NEURL1: variants seen among roughly 807,000 people sequenced by gnomAD.
The protein encoded by NEURL1 is E3 ubiquitin-protein ligase NEURL1.
Under a neutral mutation model 41.2 loss-of-function variants are expected in NEURL1, and 26 were observed. The ratio of observed to expected loss-of-function variants is 0.63; its 90% CI spans 0.46 to 0.87. NEURL1 has a LOEUF of 0.87. NEURL1 is among the 40% of genes least tolerant of loss of function. The pLI, the probability that NEURL1 is intolerant of heterozygous loss-of-function variation, is 0.00. For synonymous variants in NEURL1, 400 were observed against 402.3 expected, an observed-to-expected ratio of 0.99 and a Z score of 0.07; for missense variants, 761 against 871.1, an observed-to-expected ratio of 0.87 and a Z score of 1.59.
At chr10:103,585,257 C>G (rs764520177) in intron 4 of NEURL1, 32 bp downstream of exon 4, 3 of 1,458,318 alleles carry the variant, frequency 2.1e-6, no homozygotes, top group Non-Finnish European at 9.1e-7. Flanking sequence ...TGGGCGTATG[C>G]CTTTCCTGGA....
At chr10:103,544,418 TCAGA>T (rs2034885944) in intron 1 of NEURL1, among the ~76,000 whole-genome samples, 1 of 152,112 alleles carries the variant, frequency 6.6e-6, no homozygotes, top group Non-Finnish European at 1.5e-5. Flanking sequence ...AGCTGCTTCT[TCAGA>T]CAGTTTAGAA....
At position 103,571,693 on chromosome 10, in the gene NEURL1, A is replaced by G; in HGVS notation, c.520A>G (p.Lys174Glu). 1 of 1,614,192 alleles carries G rather than the reference A, an allele frequency of 6.2e-7. No individual in the cohort carries two copies. The highest frequency in any genetic ancestry group is 8.5e-7 in the Non-Finnish European group (1 of 1,180,012). Reference protein sequence around the residue: ...EGNIIAFWVDKKGRVFHRIND... With the variant: ...EGNIIAFWVDEKGRVFHRIND... Reference sequence around the variant, plus strand: ...CAACATCATCGCATTCTGGGTGGACAAGAAGGGCCGTGTCTTCCACCGCAT... The same window carrying G: ...CAACATCATCGCATTCTGGGTGGACGAGAAGGGCCGTGTCTTCCACCGCAT... The change falls in exon 3 of 6, where the codon AAG becomes GAG. Residue 174 changes from lysine (K) to glutamate (E), a missense_variant. This residue lies in a region of NEURL1 where 114 missense variants were observed against 144.8 expected (regional missense o/e 0.79). Transcript: ENST00000369780.
At chr10:103,509,311 T>C (rs1231777264) in intron 1 of NEURL1, among the ~76,000 whole-genome samples, 4 of 151,818 alleles carry the variant, frequency 2.6e-5, no homozygotes, top group Non-Finnish European at 5.9e-5. Flanking sequence ...TTCTGAGAAT[T>C]GTGTTGTTAG....
At chr10:103,583,734 CCAAA>C (rs1212430129) in intron 3 of NEURL1, among the ~76,000 whole-genome samples, 21 of 86,344 alleles carry the variant, frequency 2.4e-4, no homozygotes, top group South Asian at 4.3e-4. Flanking sequence ...AAAAAAAAAG[CCAAA>C]CAAACAAAAA....
Position 103,584,736 on chromosome 10 carries a change from C to T in NEURL1, c.850C>T (p.Arg284Cys). ...PQNSLNSQHSRALPAQLDGDL... is the reference protein window; with the variant it reads ...PQNSLNSQHSCALPAQLDGDL... ...GAACTCACTCAACTCGCAGCACAGC[C>T]GCGCGCTGCCGGCGCAGCTCGACGG... The change falls in exon 4 of 6, where the codon CGC becomes TGC. Residue 284 changes from arginine (R) to cysteine (C), a missense_variant. Arg to Cys is a radical substitution (Grantham distance 180, BLOSUM62 -3). This residue lies in a region of NEURL1 where 443 missense variants were observed against 408.1 expected (regional missense o/e 1.09). Transcript: ENST00000369780. 2.7e-6 allele frequency: 4 copies of T among 1,464,154 alleles called. No individual in the cohort carries two copies. Among genetic ancestry groups the T allele is most frequent in the Non-Finnish European group, 3.6e-6 (4 of 1,113,190 alleles). 90.7% of individuals were successfully genotyped at this position (1,464,154 alleles called of 1,614,324 possible).
chr10:103,572,336 G>GC (rs1014628373), intron 3 of NEURL1, among the ~76,000 whole-genome samples: 1 of 152,234 alleles, frequency 6.6e-6, no homozygotes, highest in African/African-American at 2.4e-5. Flanking sequence ...CCAGCTGTCA[G>GC]CCCCTGGGCT....
chr10:103,556,275 A>G lies in NEURL1; in HGVS notation c.86-14597A>G, dbSNP rs565260590. On this transcript the variant is annotated intron_variant, in intron 1 of 5. Coordinates refer to ENST00000369780, the MANE Select transcript of NEURL1 (RefSeq NM_004210.5). This position sits in a 1 kb window ranked among gnomAD's most constrained non-coding sequence, Gnocchi z 4.4. ...TTGGGAGCGCCATGGCCGATGTGGC[A>G]GCAGACCCGGAGAAGCCTTCCTAGG... is the stretch of plus-strand genomic sequence containing the variant. Among the ~76,000 whole-genome samples, 2 of 152,332 alleles carry G rather than the reference A, an allele frequency of 1.3e-5. No individual in the cohort carries two copies. Among genetic ancestry groups the G allele is most frequent in the South Asian group, 4.1e-4 (2 of 4,824 alleles).
chr10:103,547,916 G>C (rs2034956281), intron 1 of NEURL1, among the ~76,000 whole-genome samples: 1 of 152,102 alleles, frequency 6.6e-6, no homozygotes, highest in South Asian at 2.1e-4. Context: ...TGTCTCCTGC[G>C]ACACCCTGGG....
intron 1 of NEURL1, among the ~76,000 whole-genome samples, chr10:103,512,415 G>T (rs997089463): frequency 6.6e-6 from 1 of 152,180 alleles, no homozygotes; most frequent in Non-Finnish European, 1.5e-5. Context: ...AAAAGCTGTG[G>T]GGACCATTGG....
chr10:103,548,818 G>A (rs1237356492), intron 1 of NEURL1, among the ~76,000 whole-genome samples: 2 of 152,186 alleles, frequency 1.3e-5, no homozygotes, highest in East Asian at 3.9e-4. Flanking sequence ...TGGGCCATGT[G>A]ATCTCCACCA....
At chr10:103,569,155 T>C (rs950551086) in intron 1 of NEURL1, among the ~76,000 whole-genome samples, 22 of 152,216 alleles carry the variant, frequency 1.4e-4, no homozygotes, top group Non-Finnish European at 2.2e-4. Flanking sequence ...ATTTGCACTT[T>C]CTAGAATTTG....
intron 1 of NEURL1, among the ~76,000 whole-genome samples, chr10:103,510,816 A>G (rs981532166): frequency 3.3e-5 from 5 of 152,132 alleles, no homozygotes; most frequent in Admixed American, 6.5e-5. Context: ...AAAAAGTTCC[A>G]TTCCATTTGT....
intron 1 of NEURL1, among the ~76,000 whole-genome samples, chr10:103,540,540 T>G (rs1464780631): frequency 6.6e-6 from 1 of 152,226 alleles, no homozygotes; most frequent in Non-Finnish European, 1.5e-5. Context: ...TCTGCTCACC[T>G]CAGCCTCCCA....
At chr10:103,576,863 T>G (rs1309704927) in intron 3 of NEURL1, among the ~76,000 whole-genome samples, 3 of 152,130 alleles carry the variant, frequency 2.0e-5, no homozygotes, top group Non-Finnish European at 4.4e-5. Flanking sequence ...CCAAGGGTCA[T>G]GTGCTGCTGG....
intron 1 of NEURL1, among the ~76,000 whole-genome samples, chr10:103,540,508 T>C (rs1313074713): frequency 6.6e-6 from 1 of 152,172 alleles, no homozygotes; most frequent in Non-Finnish European, 1.5e-5. Context: ...CAGGCTGGTC[T>C]CGAACTCCTG....
In NEURL1 at chr10:103,585,105, G is replaced by A. The variant is rs766454920; in HGVS notation, c.1219G>A (p.Gly407Ser). The change falls in exon 4 of 6, where the codon GGC (glycine) becomes AGC (serine). Residue 407 changes from glycine to serine, a missense_variant. Transcript: ENST00000369780. ...DILGLVVNAD[G>S]ELHLSHNGAA... ...CCTGGGCCTGGTGGTCAACGCCGAC[G>A]GCGAGCTGCACCTCAGCCACAATGG... is the stretch of plus-strand genomic sequence containing the variant. The A allele has an allele frequency of 6.3e-7, 1 of 1,590,224 alleles. No individual in the cohort carries two copies. Among genetic ancestry groups the A allele is most frequent in the Non-Finnish European group, 8.5e-7 (1 of 1,176,128 alleles).
intron 1 of NEURL1, among the ~76,000 whole-genome samples, chr10:103,506,564 C>CTT (rs377578071): frequency 4.1e-5 from 6 of 144,888 alleles, no homozygotes; most frequent in Admixed American, 6.9e-5. Flanking sequence ...CTGCTGTCTG[C>CTT]TTTTTTTTTT....
intron 1 of NEURL1, among the ~76,000 whole-genome samples, chr10:103,498,477 C>T (rs184524656): frequency 0.035 from 5,395 of 152,302 alleles, 82 homozygotes; most frequent in Non-Finnish European, 0.044. Context: ...CCGCCCGCCT[C>T]GGCCTCCCAA....
At chr10:103,515,150 C>A (rs890491924) in intron 1 of NEURL1, among the ~76,000 whole-genome samples, 1 of 144,718 alleles carries the variant, frequency 6.9e-6, no homozygotes, top group African/African-American at 2.6e-5. Context: ...ATCGCTTGAG[C>A]CTGGGAGGCG....
Sources: gnomAD v4.1 joint callset for allele counts (sites outside exome capture counted in the v4.1 genomes callset) on GRCh38, gnomAD v4.1.1 for gene constraint, gnomAD v4.1.1 regional missense constraint, Gnocchi (gnomAD v3.1) non-coding constraint, MANE v1.5 for transcripts, NCBI Gene and HGNC (gene_info 2026-07-23, HGNC 2026-07-21) for gene names.